Variants in MLLT3 observed in about 807,000 individuals in gnomAD.
MLLT3 encodes protein AF-9.
MLLT3 carries 4 observed loss-of-function variants against 53.2 expected under a neutral mutation model. The observed-to-expected ratio is 0.08, with a 90% CI of 0.04 to 0.17. The LOEUF is 0.17. Among genes scored for constraint, MLLT3 ranks in the 10% least tolerant of loss-of-function variants. The pLI is 1.00. For synonymous variants in MLLT3, 283 were observed against 230.6 expected, an observed-to-expected ratio of 1.23 and a Z score of -2.06; for missense variants, 569 against 684.0, an observed-to-expected ratio of 0.83 and a Z score of 1.87.
chr9:20,414,176 C>T lies in MLLT3; in HGVS notation c.670G>A (p.Asp224Asn), dbSNP rs1394620639. The T allele has an allele frequency of 1.2e-6, 2 of 1,614,104 alleles. No individual in the cohort carries two copies. The highest frequency in any genetic ancestry group is 1.7e-4 in the Middle Eastern group (1 of 6,058). ...HKSAFKEPSR[D>N]HNKSSKESSK... is the part of the protein sequence containing the mutation. The stretch of plus-strand genomic sequence containing the variant: ...GATTCTTTGGAAGATTTGTTGTGAT[C>T]CCTGGAAGGTTCTTTGAAGGCACTT... The change falls in exon 5 of 11, where the codon GAT (aspartate) becomes AAT (asparagine). Residue 224 changes from aspartate (D) to asparagine (N), a missense_variant. Coordinates refer to ENST00000380338, the MANE Select transcript of MLLT3 (RefSeq NM_004529.4).
At chr9:20,440,115 G>A (rs1011328012) in intron 4 of MLLT3, among the ~76,000 whole-genome samples, 2 of 152,118 alleles carry the variant, frequency 1.3e-5, no homozygotes, top group Non-Finnish European at 2.9e-5. Flanking sequence ...ACTTAACTAT[G>A]TACCAGATAG....
chr9:20,369,523 G>T (rs912043697), intron 5 of MLLT3, among the ~76,000 whole-genome samples: 1 of 152,108 alleles, frequency 6.6e-6, no homozygotes, highest in African/African-American at 2.4e-5. Flanking sequence ...CCATGTTGTG[G>T]GGGAGACACC....
Position 20,620,540 on chromosome 9 carries a change from G to A in MLLT3, c.193+114C>T, listed in dbSNP as rs1820972153. 2 of 917,604 alleles carry A rather than the reference G, an allele frequency of 2.2e-6. No homozygotes were observed. The highest frequency in any genetic ancestry group is 1.8e-5 in the African/African-American group (1 of 56,768). The allele number at this position is 917,604 out of a possible 1,614,324, so 56.8% of individuals were successfully genotyped here. On this transcript the variant is annotated intron_variant, in intron 2 of 10. Coordinates refer to ENST00000380338, the MANE Select transcript of MLLT3 (RefSeq NM_004529.4). This position sits in a 1 kb window ranked among gnomAD's most constrained non-coding sequence, Gnocchi z 6.1. ...CGGCGCCGCGCACCCGGATCCCGAG[G>A]CTACGCCGGCGAGCGCGGCGCGGGG...
At chr9:20,568,241 T>G (rs905719869) in intron 2 of MLLT3, among the ~76,000 whole-genome samples, 1 of 152,108 alleles carries the variant, frequency 6.6e-6, no homozygotes, top group African/African-American at 2.4e-5. Context: ...GATGGTGGTA[T>G]TGATGACACA....
intron 2 of MLLT3, among the ~76,000 whole-genome samples, chr9:20,547,693 G>A (rs1818824977): frequency 6.6e-6 from 1 of 150,666 alleles, no homozygotes; most frequent in African/African-American, 2.4e-5. Flanking sequence ...GCTCACGCCT[G>A]TAATTCCAGC....
intron 5 of MLLT3, among the ~76,000 whole-genome samples, chr9:20,409,411 G>T (rs188917532): frequency 9.9e-5 from 15 of 152,206 alleles, no homozygotes; most frequent in East Asian, 1.9e-4. Context: ...AAGATATTTG[G>T]TTTTTTCCCT....
chr9:20,557,341 A>C (rs1273014508), intron 2 of MLLT3, among the ~76,000 whole-genome samples: 1 of 152,114 alleles, frequency 6.6e-6, no homozygotes, highest in East Asian at 1.9e-4. Context: ...TTACTAGTTT[A>C]AGCCAATTAA....
chr9:20,534,934 A>G (rs888016321), intron 2 of MLLT3, among the ~76,000 whole-genome samples: 6 of 152,134 alleles, frequency 3.9e-5, no homozygotes, highest in Non-Finnish European at 8.8e-5. Flanking sequence ...AGAAAATTAT[A>G]AAGAAAAAAT....
At chr9:20,460,239 T>C (rs1452931842) in intron 2 of MLLT3, among the ~76,000 whole-genome samples, 4 of 152,346 alleles carry the variant, frequency 2.6e-5, no homozygotes, top group South Asian at 4.1e-4. Context: ...TTCTAAACCC[T>C]GAAACTAATT....
rs1162981282 is a variant in MLLT3, at chr9:20,620,289, A to ACGCG, written c.193+364_193+365insCGCG. On this transcript the variant is annotated intron_variant, in intron 2 of 10. Transcript: ENST00000380338. The surrounding 1 kb of genome is among the most constrained non-coding windows in gnomAD (Gnocchi z 6.1). ...CACACACACACACACACACACACAC[A>ACGCG]CACACGCGCAAAGTGTTTATTCCCT... Among the ~76,000 whole-genome samples the ACGCG allele has an allele frequency of 2.7e-3, 360 of 134,486 alleles. 2 individuals carry two copies. Among genetic ancestry groups the ACGCG allele is most frequent in the African/African-American group, 0.01 (351 of 33,874 alleles). 88.2% of individuals were successfully genotyped at this position (134,486 alleles called of 152,430 possible).
chr9:20,501,521 G>A (rs1258022939), intron 2 of MLLT3, among the ~76,000 whole-genome samples: 2 of 152,124 alleles, frequency 1.3e-5, no homozygotes, highest in Admixed American at 6.5e-5. Flanking sequence ...GGAGGTCGAG[G>A]CGGGTGGATC....
chr9:20,372,531 G>A (rs927217451), intron 5 of MLLT3, among the ~76,000 whole-genome samples: 1 of 150,132 alleles, frequency 6.7e-6, no homozygotes, highest in Non-Finnish European at 1.5e-5. Context: ...GGGACTACAG[G>A]CACCCGCCAC....
In MLLT3 at chr9:20,354,866, T is replaced by C. The variant is rs1821124349; in HGVS notation, c.1445A>G (p.Lys482Arg). 1 of 1,612,044 alleles carries C rather than the reference T, an allele frequency of 6.2e-7. No individual in the cohort carries two copies. Among genetic ancestry groups the C allele is most frequent in the African/African-American group, 1.3e-5 (1 of 74,852 alleles). Residue 482 changes from lysine (K) to arginine (R), a missense_variant, in exon 9 of 11, where the codon AAA (lysine) becomes AGA (arginine). Coordinates refer to ENST00000380338, the MANE Select transcript of MLLT3 (RefSeq NM_004529.4). ...KTNNNQILEV[K>R]SPIKQSKSDK... ...TGATTTGCTTTGCTTTATTGGACTTTTCACTTCAAGAATCTAGGGATCAAA... is the reference window on the plus strand; with the variant it reads ...TGATTTGCTTTGCTTTATTGGACTTCTCACTTCAAGAATCTAGGGATCAAA...
chr9:20,363,838 T>C (rs1164489912), intron 6 of MLLT3, among the ~76,000 whole-genome samples: 2 of 152,240 alleles, frequency 1.3e-5, no homozygotes, highest in Non-Finnish European at 1.5e-5. Flanking sequence ...CTCTATTTTC[T>C]AGGAATTTTT....
At chr9:20,480,707 AGCACTAAT>A (rs895857384) in intron 2 of MLLT3, among the ~76,000 whole-genome samples, 11 of 152,206 alleles carry the variant, frequency 7.2e-5, no homozygotes, top group South Asian at 4.1e-4. Flanking sequence ...ATATTCATAG[AGCACTAAT>A]GCACTGACTC....
chr9:20,527,096 G>C (rs1331312648), intron 2 of MLLT3, among the ~76,000 whole-genome samples: 3 of 152,070 alleles, frequency 2.0e-5, no homozygotes, highest in Non-Finnish European at 4.4e-5. Flanking sequence ...AAAAGACAAA[G>C]AACAGTGTAA....
intron 5 of MLLT3, among the ~76,000 whole-genome samples, chr9:20,390,911 A>G (rs1375034751): frequency 6.6e-6 from 1 of 152,342 alleles, no homozygotes; most frequent in East Asian, 1.9e-4. Context: ...CCAGGAGTTC[A>G]AGACTTGCCT....
At chr9:20,365,607 C>T in intron 6 of MLLT3, 62 bp downstream of exon 6, 1 of 1,590,076 alleles carries the variant, frequency 6.3e-7, no homozygotes, top group Non-Finnish European at 8.6e-7. Flanking sequence ...GTCAGCCTCC[C>T]AAAGTGCCAT....
chr9:20,349,813 A>G (rs1820966700), intron 10 of MLLT3, among the ~76,000 whole-genome samples: 1 of 152,190 alleles, frequency 6.6e-6, no homozygotes, highest in Non-Finnish European at 1.5e-5. Flanking sequence ...GCAGCCACAC[A>G]TGCACAACAA....
Sources: allele counts gnomAD v4.1 joint callset (sites outside exome capture counted in the v4.1 genomes callset), GRCh38; gene constraint gnomAD v4.1.1; non-coding constraint Gnocchi (gnomAD v3.1); transcripts MANE v1.5; gene names NCBI Gene and HGNC (gene_info 2026-07-23, HGNC 2026-07-21).